Variants in FAAH2 observed in about 807,000 individuals in gnomAD.
The protein encoded by FAAH2 is fatty acid amide hydrolase 2, also known as fatty-acid amide hydrolase 2.
A neutral mutation model predicts 36.9 loss-of-function variants in FAAH2; 60 were observed. That is an observed-to-expected ratio of 1.63 (90% CI 1.32 to 2.02). The LOEUF (loss-of-function observed/expected upper bound fraction) is 2.02. FAAH2 is among the 30% of genes most tolerant of loss of function. The probability of loss-of-function intolerance (pLI) is 0.00; values close to 1 mark genes in which losing one functional copy is unlikely to be tolerated. For synonymous variants in FAAH2, 214 were observed against 143.8 expected, an observed-to-expected ratio of 1.49 and a Z score of -3.49; for missense variants, 689 against 397.5, an observed-to-expected ratio of 1.73 and a Z score of -6.23.
chrX:57,406,254 T>C (rs182659362), intron 7 of FAAH2, among the ~76,000 whole-genome samples: 336 of 112,226 alleles, frequency 3.0e-3, no homozygotes, highest in African/African-American at 0.01. Flanking sequence ...ATGCTGCTTA[T>C]CGTAATGATG....
chrX:57,254,515 T>G, the FAAH2 span, among the ~76,000 whole-genome samples: 2 of 111,741 alleles, frequency 1.8e-5, no homozygotes, highest in Non-Finnish European at 3.8e-5. Flanking sequence ...ATTGACCACA[T>G]AGTTGGAAGT....
Position 57,353,487 on chromosome X carries a change from T to TAAAAAA in FAAH2, c.742+12105_742+12110dup, listed in dbSNP as rs3035714. Among the ~76,000 whole-genome samples, 632 of 83,763 alleles carry TAAAAAA rather than the reference T, an allele frequency of 7.5e-3. 8 individuals are homozygous for TAAAAAA. Among genetic ancestry groups the TAAAAAA allele is most frequent in the Non-Finnish European group, 1.0e-2 (433 of 43,492 alleles). 72.7% of individuals were successfully genotyped at this position (83,763 alleles called of 115,157 possible). A position where few individuals can be genotyped will look rare whatever the true frequency, so the allele number is the denominator to read the frequency against. The stretch of plus-strand genomic sequence containing the variant: ...ACCTAAACAGAAGACCCCAAATTAT[T>TAAAAAA]AAAAAAAAAAAAAGAAAAAAAAGAA... On this transcript the variant is annotated intron_variant, in intron 5 of 10. Transcript: ENST00000374900.
chrX:57,338,359 C>T (rs2053605744), intron 4 of FAAH2, among the ~76,000 whole-genome samples: 2 of 111,710 alleles, frequency 1.8e-5, no homozygotes, highest in Non-Finnish European at 3.8e-5. Flanking sequence ...AAGGACCGAC[C>T]ATTTTCACTT....
intron 8 of FAAH2, among the ~76,000 whole-genome samples, chrX:57,441,038 A>G (rs1289967008): frequency 8.9e-6 from 1 of 111,768 alleles, no homozygotes; most frequent in Non-Finnish European, 1.9e-5. Context: ...ATCAGCATTC[A>G]TTAGAGATAC....
the FAAH2 span, among the ~76,000 whole-genome samples, chrX:57,216,595 T>C: frequency 4.5e-4 from 1 of 2,203 alleles, no homozygotes; most frequent in Non-Finnish European, 1.0e-3. Flanking sequence ...TATGTATATA[T>C]ATGTATATAT....
chrX:57,422,393 C>A (rs1400250304), intron 7 of FAAH2, among the ~76,000 whole-genome samples: 1 of 112,010 alleles, frequency 8.9e-6, no homozygotes, highest in Non-Finnish European at 1.9e-5. Flanking sequence ...TAGATAGGAG[C>A]AGTTTTAGTT....
At chrX:57,383,174 G>T (rs988859007) in intron 7 of FAAH2, among the ~76,000 whole-genome samples, 11 of 111,663 alleles carry the variant, frequency 9.9e-5, no homozygotes, top group African/African-American at 2.9e-4. Flanking sequence ...ATGGGACGTA[G>T]CTCAAAATAA....
At chrX:57,329,872 C>T (rs896031054) in intron 3 of FAAH2, among the ~76,000 whole-genome samples, 2 of 111,807 alleles carry the variant, frequency 1.8e-5, no homozygotes, top group African/African-American at 6.5e-5. Context: ...TCTGTCTTTA[C>T]TGCAATCTCT....
the FAAH2 span, among the ~76,000 whole-genome samples, chrX:57,222,680 C>T: frequency 9.0e-6 from 1 of 111,461 alleles, no homozygotes; most frequent in Non-Finnish European, 1.9e-5. Flanking sequence ...CATAGAAAAC[C>T]CCCTCCTACC....
At chrX:57,189,180 C>A in the FAAH2 span, among the ~76,000 whole-genome samples, 1 of 110,527 alleles carries the variant, frequency 9.0e-6, no homozygotes, top group East Asian at 2.9e-4. Context: ...ATCAGTTTGG[C>A]TGTTAATACT....
chrX:57,244,359 A>G, the FAAH2 span, among the ~76,000 whole-genome samples: 1 of 111,243 alleles, frequency 9.0e-6, no homozygotes, highest in Non-Finnish European at 1.9e-5. Context: ...CAACCTAGAA[A>G]GACAGGCCAA....
intron 5 of FAAH2, among the ~76,000 whole-genome samples, chrX:57,370,385 A>T (rs934804378): frequency 1.8e-5 from 2 of 111,467 alleles, no homozygotes; most frequent in South Asian, 3.8e-4. Context: ...GACTAAGAAG[A>T]TCATTATATA....
At chrX:57,476,077 C>A (rs1030154566) in intron 10 of FAAH2, among the ~76,000 whole-genome samples, 3 of 111,617 alleles carry the variant, frequency 2.7e-5, no homozygotes, top group Non-Finnish European at 5.6e-5. Flanking sequence ...TGCTTATCAG[C>A]AACTTAAGGA....
the FAAH2 span, among the ~76,000 whole-genome samples, chrX:57,234,449 A>T: frequency 9.0e-6 from 1 of 111,693 alleles, no homozygotes; most frequent in Non-Finnish European, 1.9e-5. Context: ...ATATTTTTAC[A>T]TTTGTTGCGC....
At position 57,320,282 on chromosome X, in the gene FAAH2, T is replaced by C. The variant is rs760917975; in HGVS notation, c.412+9553T>C. On this transcript the variant is annotated intron_variant, in intron 3 of 10. Transcript: ENST00000374900. ...TGTGATCTATCCATCTGACAAAGGGTAATATCCAGAATCTACAAGAAACTT... is the reference window on the plus strand; with the variant it reads ...TGTGATCTATCCATCTGACAAAGGGCAATATCCAGAATCTACAAGAAACTT... Among the ~76,000 whole-genome samples, 5 of 111,614 alleles carry C rather than the reference T, an allele frequency of 4.5e-5. No homozygotes were observed. In the South Asian group the frequency reaches 1.9e-3, roughly 42 times the overall value.
At chrX:57,352,966 A>T (rs1422408779) in intron 5 of FAAH2, among the ~76,000 whole-genome samples, 17 of 110,971 alleles carry the variant, frequency 1.5e-4, no homozygotes, top group African/African-American at 5.2e-4. Flanking sequence ...TTCAAAAACA[A>T]ATGGAAGAAC....
At chrX:57,318,841 C>A (rs1298372337) in intron 3 of FAAH2, among the ~76,000 whole-genome samples, 1 of 111,944 alleles carries the variant, frequency 8.9e-6, no homozygotes, top group Non-Finnish European at 1.9e-5. Context: ...TCAGCTTCAT[C>A]CTTGGGATAC....
intron 7 of FAAH2, among the ~76,000 whole-genome samples, chrX:57,399,109 A>G (rs1490160032): frequency 9.0e-6 from 1 of 111,346 alleles, no homozygotes; most frequent in Non-Finnish European, 1.9e-5. Flanking sequence ...CCATTTGAAG[A>G]ATGATTTGTA....
the FAAH2 span, among the ~76,000 whole-genome samples, chrX:57,190,253 A>T: frequency 9.1e-6 from 1 of 109,559 alleles, no homozygotes; most frequent in Non-Finnish European, 1.9e-5. Context: ...CCATCCACTG[A>T]CCAAGTTCCT....
Sources: allele counts gnomAD v4.1 joint callset (sites outside exome capture counted in the v4.1 genomes callset), GRCh38; gene constraint gnomAD v4.1.1; transcripts MANE v1.5; gene names NCBI Gene and HGNC (gene_info 2026-07-23, HGNC 2026-07-21).